The following SPATA6 variants were observed in gnomAD, a reference collection of about 807,000 sequenced individuals.
The protein encoded by SPATA6 is spermatogenesis-associated protein 6.
In SPATA6, 56 loss-of-function variants were observed where a neutral mutation model predicts 65.3. The ratio of observed to expected loss-of-function variants is 0.86; its 90% CI spans 0.69 to 1.07. The LOEUF is 1.07. SPATA6 is among the 50% of genes least tolerant of loss of function. The probability of loss-of-function intolerance (pLI) is 0.00; values close to 1 mark genes in which losing one functional copy is unlikely to be tolerated. For missense variants in SPATA6, 590 were observed against 594.8 expected (o/e 0.99, Z 0.08); for synonymous variants, 199 against 213.2 (o/e 0.93, Z 0.58).
chr1:48,346,148 T>C (rs1646358692), intron 11 of SPATA6, among the ~76,000 whole-genome samples: 1 of 152,106 alleles, frequency 6.6e-6, no homozygotes, highest in Admixed American at 6.6e-5. Context: ...AAGTAGACTT[T>C]ATCCAGAAGG....
chr1:48,277,446 G>A, the SPATA6 span, among the ~76,000 whole-genome samples: 157 of 152,306 alleles, frequency 1.0e-3, no homozygotes, highest in African/African-American at 3.7e-3. Context: ...GGTGACAGAT[G>A]GCACCTGGAA....
chr1:48,351,444 A>G (rs779939241), intron 11 of SPATA6, among the ~76,000 whole-genome samples: 1 of 152,068 alleles, frequency 6.6e-6, no homozygotes, highest in Non-Finnish European at 1.5e-5. Flanking sequence ...AATGTTAGCT[A>G]TAGGTTTTCA....
intron 11 of SPATA6, among the ~76,000 whole-genome samples, chr1:48,309,092 T>G (rs528558532): frequency 1.3e-5 from 2 of 152,250 alleles, no homozygotes; most frequent in South Asian, 4.1e-4. Context: ...GAGTCTCAAG[T>G]GTGGATCTAT....
In SPATA6 at chr1:48,427,560, A is replaced by G. The variant is rs917763212; in HGVS notation, c.239-14409T>C. On this transcript the variant is annotated intron_variant, in intron 3 of 12. Coordinates refer to ENST00000371847, the MANE Select transcript of SPATA6 (RefSeq NM_019073.4). ...ATATATACAACGAATTTAAAGAAAAACAACCTAATTTTATAACCAATTAAA... is the reference window on the plus strand; with the variant it reads ...ATATATACAACGAATTTAAAGAAAAGCAACCTAATTTTATAACCAATTAAA... Among the ~76,000 whole-genome samples the G allele has an allele frequency of 2.8e-4, 42 of 152,282 alleles. 1 individual carries two copies. Among genetic ancestry groups the G allele is most frequent in the African/African-American group, 1.0e-3 (42 of 41,572 alleles).
At chr1:48,298,964 A>G in intron 12 of SPATA6, 71 bp from the exon 13 acceptor site, 3 of 1,443,872 alleles carry the variant, frequency 2.1e-6, no homozygotes, top group Non-Finnish European at 2.8e-6. Flanking sequence ...TGTAAATCAA[A>G]TATTTATTGA....
At chr1:48,471,315 G>A (rs1220802345) in intron 1 of SPATA6, among the ~76,000 whole-genome samples, 1 of 152,136 alleles carries the variant, frequency 6.6e-6, no homozygotes, top group Non-Finnish European at 1.5e-5. Context: ...TCTTGCAATG[G>A]CTGGCACAAA....
chr1:48,385,816 C>CA (rs1414916712), intron 8 of SPATA6, among the ~76,000 whole-genome samples: 3 of 152,056 alleles, frequency 2.0e-5, no homozygotes, highest in Non-Finnish European at 2.9e-5. Context: ...ATCTTGTTGA[C>CA]AAATAAATCT....
intron 1 of SPATA6, among the ~76,000 whole-genome samples, chr1:48,458,007 A>G (rs1156954328): frequency 6.6e-6 from 1 of 151,778 alleles, no homozygotes; most frequent in Non-Finnish European, 1.5e-5. Flanking sequence ...ACAAAATAGA[A>G]GAAAGGTTTT....
chr1:48,332,691 TGC>T (rs1441498798), intron 11 of SPATA6, among the ~76,000 whole-genome samples: 1 of 152,174 alleles, frequency 6.6e-6, no homozygotes, highest in Non-Finnish European at 1.5e-5. Flanking sequence ...AACGAAGAGA[TGC>T]AGGACCTGAA....
intron 11 of SPATA6, among the ~76,000 whole-genome samples, chr1:48,318,067 T>C (rs1441051077): frequency 3.9e-5 from 6 of 152,150 alleles, no homozygotes; most frequent in Non-Finnish European, 1.5e-5. Flanking sequence ...ATCATCTCAA[T>C]AGATGCAGGG....
intron 11 of SPATA6, among the ~76,000 whole-genome samples, chr1:48,317,269 A>G (rs1645458164): frequency 6.6e-6 from 1 of 152,230 alleles, no homozygotes; most frequent in Non-Finnish European, 1.5e-5. Context: ...CAAGACTTGG[A>G]ACCAACCCAA....
chr1:48,427,130 G>A (rs1347773721), intron 3 of SPATA6, among the ~76,000 whole-genome samples: 3 of 151,882 alleles, frequency 2.0e-5, no homozygotes, highest in African/African-American at 7.3e-5. Context: ...GTCTCACTAT[G>A]TTGCCCAGGC....
At chr1:48,358,914 A>G (rs2148815302) in intron 10 of SPATA6, among the ~76,000 whole-genome samples, 1 of 152,276 alleles carries the variant, frequency 6.6e-6, no homozygotes, top group African/African-American at 2.4e-5. Context: ...AAACTAACAC[A>G]CTGTTGTTCA....
At chr1:48,287,996 A>G in the SPATA6 span, among the ~76,000 whole-genome samples, 1 of 152,184 alleles carries the variant, frequency 6.6e-6, no homozygotes, top group Non-Finnish European at 1.5e-5. Flanking sequence ...TATTTTGTTT[A>G]AAGTTTTTAT....
chr1:48,460,721 T>G (rs1657367365), intron 1 of SPATA6, among the ~76,000 whole-genome samples: 1 of 59,360 alleles, frequency 1.7e-5, no homozygotes, highest in African/African-American at 3.4e-5. Context: ...AGTCACAAAA[T>G]ATAAAGTCAA....
At chr1:48,368,497 T>C (rs182759766) in intron 9 of SPATA6, among the ~76,000 whole-genome samples, 1 of 152,340 alleles carries the variant, frequency 6.6e-6, no homozygotes, top group Admixed American at 6.5e-5. Context: ...TTCGTTTCTT[T>C]TTATTCTTTT....
At position 48,413,153 on chromosome 1, in the gene SPATA6, TA is replaced by T. The variant is rs1308930429; in HGVS notation, c.239-3del. On this transcript the variant is annotated splice_polypyrimidine_tract_variant and splice_region_variant and intron_variant, in intron 3 of 12. Transcript: ENST00000371847. Reference sequence around the variant, plus strand: ...TCAACTCGAACACTGCTGTATCATCTAAAAGTTTAAAGAAAAATTTCCTTAA... The same window carrying T: ...TCAACTCGAACACTGCTGTATCATCTAAAGTTTAAAGAAAAATTTCCTTAA... 7.0e-7 allele frequency: 1 copy of T among 1,422,490 alleles called. No homozygotes were observed. 88.1% of individuals were successfully genotyped at this position (1,422,490 alleles called of 1,614,324 possible).
intron 3 of SPATA6, among the ~76,000 whole-genome samples, chr1:48,444,911 T>C (rs549148917): frequency 2.0e-5 from 3 of 152,216 alleles, no homozygotes; most frequent in East Asian, 1.9e-4. Context: ...TGACCATTTA[T>C]AGGCTTTCCA....
intron 3 of SPATA6, 52 bp downstream of exon 3, chr1:48,451,500 A>T (rs375681604): frequency 2.1e-4 from 322 of 1,537,632 alleles, no homozygotes; most frequent in Non-Finnish European, 2.8e-4. Context: ...TCATAAGGAT[A>T]ATAAATCCTA....
Sources: allele counts gnomAD v4.1 joint callset (sites outside exome capture counted in the v4.1 genomes callset), GRCh38; gene constraint gnomAD v4.1.1; transcripts MANE v1.5; gene names NCBI Gene and HGNC (gene_info 2026-07-23, HGNC 2026-07-21).